Variants in HIRA observed in about 807,000 individuals in gnomAD.
The protein encoded by HIRA is protein HIRA.
Under a neutral mutation model 126.6 loss-of-function variants are expected in HIRA, and 13 were observed. That is an observed-to-expected ratio of 0.10 (90% confidence interval 0.07 to 0.16). The LOEUF (loss-of-function observed/expected upper bound fraction) is 0.16, where lower values mean the gene tolerates loss of function less well. HIRA is among the 10% of genes least tolerant of loss of function. The probability of loss-of-function intolerance (pLI) is 1.00; values close to 1 mark genes in which losing one functional copy is unlikely to be tolerated. For synonymous variants in HIRA, 511 were observed against 520.0 expected (o/e 0.98, Z 0.24); for missense variants, 834 against 1,314.4 (o/e 0.63, Z 5.65).
intron 19 of HIRA, among the ~76,000 whole-genome samples, chr22:19,356,550 C>T (rs1345257674): frequency 2.0e-5 from 3 of 152,224 alleles, no homozygotes; most frequent in Admixed American, 6.5e-5. Flanking sequence ...AGCCAGGCCA[C>T]AGCAGCCACA....
chr22:19,392,970 C>T (rs1250101451), intron 8 of HIRA, among the ~76,000 whole-genome samples: 1 of 152,184 alleles, frequency 6.6e-6, no homozygotes, highest in Non-Finnish European at 1.5e-5. Flanking sequence ...TTCCTGAAAG[C>T]CTGGTGTCAG....
Position 19,331,206 on chromosome 22 carries a change from C to G in HIRA, c.*234G>C. The G allele has an allele frequency of 6.9e-7, 1 of 1,442,924 alleles. No homozygotes were observed. The highest frequency in any genetic ancestry group is 9.2e-7 in the Non-Finnish European group (1 of 1,087,596). 89.4% of individuals were successfully genotyped at this position (1,442,924 alleles called of 1,614,324 possible). A position where few individuals can be genotyped will look rare whatever the true frequency, so the allele number is the denominator to read the frequency against. On this transcript the variant is annotated 3_prime_UTR_variant, in exon 25 of 25. Coordinates refer to ENST00000263208, the MANE Select transcript of HIRA (RefSeq NM_003325.4). ...CACCTGGGCAGAGCTCCAGCCCTAGCTCCGCATCGGGGGCTTGGAGGGAGG... is the reference window on the plus strand; with the variant it reads ...CACCTGGGCAGAGCTCCAGCCCTAGGTCCGCATCGGGGGCTTGGAGGGAGG...
At chr22:19,417,825 G>C (rs1324760546) in intron 1 of HIRA, among the ~76,000 whole-genome samples, 1 of 152,180 alleles carries the variant, frequency 6.6e-6, no homozygotes, top group Non-Finnish European at 1.5e-5. Flanking sequence ...ATTCACTACA[G>C]CCAAGAGGTG....
intron 22 of HIRA, among the ~76,000 whole-genome samples, 153 bp downstream of exon 22, chr22:19,353,843 C>T (rs797037745): frequency 7.2e-5 from 11 of 152,296 alleles, no homozygotes; most frequent in African/African-American, 2.6e-4. Flanking sequence ...ACCCCTAGTC[C>T]GTCCTGCCCA....
intron 24 of HIRA, among the ~76,000 whole-genome samples, chr22:19,350,490 T>C (rs2088744027): frequency 6.6e-6 from 1 of 152,216 alleles, no homozygotes; most frequent in Non-Finnish European, 1.5e-5. Flanking sequence ...ATGTTCATTA[T>C]GCTTTTTCCT....
intron 13 of HIRA, among the ~76,000 whole-genome samples, chr22:19,379,959 C>T (rs1218785115): frequency 6.6e-6 from 1 of 152,002 alleles, no homozygotes. Flanking sequence ...CAGGGGCGTG[C>T]CACCACGCCC....
intron 13 of HIRA, among the ~76,000 whole-genome samples, chr22:19,382,473 G>C (rs2089082700): frequency 6.6e-6 from 1 of 152,222 alleles, no homozygotes; most frequent in African/African-American, 2.4e-5. Flanking sequence ...TGAGTGCTCT[G>C]TGGGGAGCCA....
rs3833376 is a variant in HIRA, at chr22:19,387,929, TCCTGGTTCCCTTCTGTGG to T, written c.1008-131_1008-114del. The T allele has an allele frequency of 0.27, 59,777 of 224,868 alleles. 11,697 individuals are homozygous for T. Among genetic ancestry groups the T allele is most frequent in the Admixed American group, 0.33 (5,580 of 16,948 alleles). The allele number at this position is 224,868 out of a possible 1,614,324, so 13.9% of individuals were successfully genotyped here. ...AGTGTTCTAGGGAGATGCTGGAAACTCCTGGTTCCCTTCTGTGGCCTGGTTCCCTTCTTTGGCCTGGGC... is the reference window on the plus strand; with the variant it reads ...AGTGTTCTAGGGAGATGCTGGAAACTCCTGGTTCCCTTCTTTGGCCTGGGC... On this transcript the variant is annotated intron_variant, in intron 10 of 24. Coordinates refer to ENST00000263208, the MANE Select transcript of HIRA (RefSeq NM_003325.4).
chr22:19,382,484 G>A (rs1440486098), intron 13 of HIRA, among the ~76,000 whole-genome samples: 1 of 152,230 alleles, frequency 6.6e-6, no homozygotes, highest in East Asian at 1.9e-4. Flanking sequence ...TGGGGAGCCA[G>A]CAGACCTGGT....
At chr22:19,340,516 G>C (rs1301032206) in intron 24 of HIRA, among the ~76,000 whole-genome samples, 1 of 152,076 alleles carries the variant, frequency 6.6e-6, no homozygotes, top group Non-Finnish European at 1.5e-5. Context: ...GTCCTAGCCA[G>C]AGCAAACAGA....
At chr22:19,333,918 C>A (rs1315502788) in intron 24 of HIRA, among the ~76,000 whole-genome samples, 4 of 152,102 alleles carry the variant, frequency 2.6e-5, no homozygotes, top group Non-Finnish European at 1.5e-5. Flanking sequence ...TTTTTAAACT[C>A]CAGATTTCTG....
At chr22:19,411,360 T>C (rs1035089386) in intron 1 of HIRA, among the ~76,000 whole-genome samples, 1 of 152,230 alleles carries the variant, frequency 6.6e-6, no homozygotes, top group Non-Finnish European at 1.5e-5. Flanking sequence ...ACTGTGGCTA[T>C]TAGTTCTTAG....
In HIRA at chr22:19,351,259, AACGGGAC is replaced by A. The variant is rs2088754455; in HGVS notation, c.2937+92_2937+98del. ...CTGAGGCTGGGTGCTGGAGAAGTCT[AACGGGAC>A]ACAATTTCAAAGCACTTTGGCTTAT... On this transcript the variant is annotated intron_variant, in intron 24 of 24. Coordinates refer to ENST00000263208, the MANE Select transcript of HIRA (RefSeq NM_003325.4). This position sits in a 1 kb window ranked among gnomAD's most constrained non-coding sequence, Gnocchi z 4.8. The A allele has an allele frequency of 6.7e-7, 1 of 1,493,764 alleles. No homozygotes were observed. The highest frequency in any genetic ancestry group is 8.9e-7 in the Non-Finnish European group (1 of 1,123,960). The allele number at this position is 1,493,764 out of a possible 1,614,324, so 92.5% of individuals were successfully genotyped here.
chr22:19,359,531 C>A, intron 17 of HIRA, 47 bp from the exon 18 acceptor site: 1 of 1,499,370 alleles, frequency 6.7e-7, no homozygotes, highest in Non-Finnish European at 8.9e-7. Flanking sequence ...GGCCGCAGCC[C>A]AGGTGACATG....
chr22:19,371,004 G>A (rs894660886), intron 15 of HIRA, among the ~76,000 whole-genome samples: 2 of 152,136 alleles, frequency 1.3e-5, no homozygotes, highest in African/African-American at 4.8e-5. Flanking sequence ...CTATCCTCCT[G>A]GCTTCTCATT....
At chr22:19,423,145 A>C (rs922153738) in intron 1 of HIRA, among the ~76,000 whole-genome samples, 1 of 152,158 alleles carries the variant, frequency 6.6e-6, no homozygotes, top group Non-Finnish European at 1.5e-5. Context: ...TCCTGCAACA[A>C]GGCCTTTGCT....
At position 19,385,527 on chromosome 22, in the gene HIRA, G is replaced by A. The variant is rs200097554; in HGVS notation, c.1323C>T (p.Ile441=). 3.7e-6 allele frequency: 6 copies of A among 1,613,668 alleles called. No homozygotes were observed. Among genetic ancestry groups the A allele is most frequent in the Admixed American group, 1.7e-5 (1 of 60,024 alleles). Residue 441 remains isoleucine, a synonymous_variant, in exon 12 of 25, where the codon ATC becomes ATT. Transcript: ENST00000263208. ...GVVNGESLED[I]RKNLLKKQVE... ...CACCAGGCAGGGCTCTCACCTTCCT[G>A]ATATCTTCAAGACTCTCCCCGTTGA...
intron 1 of HIRA, among the ~76,000 whole-genome samples, chr22:19,426,741 T>C (rs2089491461): frequency 6.6e-6 from 1 of 152,158 alleles, no homozygotes; most frequent in South Asian, 2.1e-4. Flanking sequence ...CACAGCAAAA[T>C]CTCACCCAGT....
intron 1 of HIRA, among the ~76,000 whole-genome samples, chr22:19,411,199 G>A (rs1213887391): frequency 6.6e-6 from 1 of 152,226 alleles, no homozygotes; most frequent in Non-Finnish European, 1.5e-5. Flanking sequence ...GCATTGCTTC[G>A]CTTGTCATAC....
Sources: gnomAD v4.1 joint callset for allele counts (sites outside exome capture counted in the v4.1 genomes callset) on GRCh38, gnomAD v4.1.1 for gene constraint, Gnocchi (gnomAD v3.1) non-coding constraint, MANE v1.5 for transcripts, NCBI Gene and HGNC (gene_info 2026-07-23, HGNC 2026-07-21) for gene names.